Variants in PMS1 observed in about 807,000 individuals in gnomAD.
PMS1 encodes the protein PMS1 homolog 1, mismatch repair system component.
A neutral mutation model predicts 93.1 loss-of-function variants in PMS1; 79 were observed. The ratio of observed to expected loss-of-function variants is 0.85; its 90% CI spans 0.71 to 1.02. The LOEUF (loss-of-function observed/expected upper bound fraction) is 1.02. Ranked by LOEUF, PMS1 falls within the 50% of genes least tolerant of loss-of-function variation. PMS1 has a pLI of 0.00. For missense variants in PMS1, 1,064 were observed against 1,085.3 expected (o/e 0.98, Z 0.28); for synonymous variants, 335 against 363.4 (o/e 0.92, Z 0.89).
chr2:189,787,814 G>A (rs1216467964), intron 1 of PMS1, among the ~76,000 whole-genome samples: 1 of 152,060 alleles, frequency 6.6e-6, no homozygotes, highest in Non-Finnish European at 1.5e-5. Context: ...TCTATAAAAT[G>A]GAGACAATAC....
At chr2:189,833,610 T>C (rs1296084216) in intron 5 of PMS1, among the ~76,000 whole-genome samples, 1 of 152,018 alleles carries the variant, frequency 6.6e-6, no homozygotes, top group East Asian at 1.9e-4. Flanking sequence ...TCATTTTCAT[T>C]TGGGTAATTA....
chr2:189,867,373 G>C (rs1347345457), intron 10 of PMS1, among the ~76,000 whole-genome samples: 1 of 152,174 alleles, frequency 6.6e-6, no homozygotes, highest in Non-Finnish European at 1.5e-5. Flanking sequence ...TAATTTATTA[G>C]TTCCTAGAAG....
In PMS1 at chr2:189,864,176, A is replaced by T; in HGVS notation, c.2290A>T (p.Asn764Tyr). ...EALLFKRLLENHKLPAEPLEK... is the reference protein window; with the variant it reads ...EALLFKRLLEYHKLPAEPLEK... ...CCTGCTATTTAAAAGACTTCTTGAG[A>T]ATCATAAACTTCCTGCAGAGCCACT... The change falls in exon 10 of 13, where the codon AAT becomes TAT. Residue 764 changes from asparagine to tyrosine, a missense_variant. Transcript: ENST00000441310. 6.2e-7 allele frequency: 1 copy of T among 1,610,210 alleles called. No individual in the cohort carries two copies.
rs1575405493 is a variant in PMS1 at position 189,873,614 on chromosome 2, A to G, written c.2592A>G (p.Glu864=). 6.2e-7 allele frequency: 1 copy of G among 1,606,866 alleles called. No individual in the cohort carries two copies. The highest frequency in any genetic ancestry group is 1.3e-5 in the African/African-American group (1 of 74,926). The part of the protein sequence containing the change: ...LNAILNRNAK[E]VYECRPRKVI... The stretch of plus-strand genomic sequence containing the variant: ...CTATATTAAACAGAAATGCAAAGGA[A>G]GTTTATGAATGTAGACCTCGCAAAG... The change falls in exon 12 of 13, where the codon GAA becomes GAG. Residue 864 remains glutamate, a synonymous_variant. Transcript: ENST00000441310.
At chr2:189,798,097 T>G (rs747209181) in intron 3 of PMS1, among the ~76,000 whole-genome samples, 1 of 152,134 alleles carries the variant, frequency 6.6e-6, no homozygotes, top group Non-Finnish European at 1.5e-5. Flanking sequence ...CTGGAGAGGA[T>G]CTGTTGTTTA....
intron 11 of PMS1, among the ~76,000 whole-genome samples, chr2:189,872,345 C>T (rs1383065481): frequency 6.6e-6 from 1 of 152,172 alleles, no homozygotes; most frequent in African/African-American, 2.4e-5. Context: ...ATTGAAGTCT[C>T]AGGATCTGAA....
intron 3 of PMS1, among the ~76,000 whole-genome samples, chr2:189,804,630 G>A (rs2050178046): frequency 6.6e-6 from 1 of 152,118 alleles, no homozygotes; most frequent in South Asian, 2.1e-4. Flanking sequence ...AGAGCTGTAG[G>A]CCCTACAGTA....
At chr2:189,809,877 G>A (rs975077586) in intron 4 of PMS1, among the ~76,000 whole-genome samples, 10 of 152,286 alleles carry the variant, frequency 6.6e-5, no homozygotes, top group African/African-American at 2.4e-4. Flanking sequence ...ATATTTTGAG[G>A]TGCTGAAGCA....
chr2:189,864,672 AAAAAAAAAAAAAAAAATATATATAT>A (rs2056411860), intron 10 of PMS1, among the ~76,000 whole-genome samples: 5 of 41,718 alleles, frequency 1.2e-4, no homozygotes, highest in Non-Finnish European at 2.2e-4. Flanking sequence ...AAAAAAAAAA[AAAAAAAAAAAAAAAAATATATATAT>A]ATATATATAT....
At position 189,844,003 on chromosome 2, in the gene PMS1, A is replaced by G. The variant is rs2054031277; in HGVS notation, c.622A>G (p.Met208Val). Residue 208 changes from methionine (M) to valine (V), a missense_variant, in exon 6 of 13, where the codon ATG becomes GTG. Transcript: ENST00000441310. ...WQKSRVSDHK[M>V]ALMSVLGTAV... is the part of the protein sequence containing the mutation. ...GAAAAGCAGAGTATCAGATCACAAG[A>G]TGGCTCTCATGTCAGTTCTGGGGAC... 6.2e-7 allele frequency: 1 copy of G among 1,613,868 alleles called. No homozygotes were observed. Among genetic ancestry groups the G allele is most frequent in the Admixed American group, 1.7e-5 (1 of 60,000 alleles).
At chr2:189,836,104 C>T (rs2106387586) in intron 5 of PMS1, among the ~76,000 whole-genome samples, 1 of 152,344 alleles carries the variant, frequency 6.6e-6, no homozygotes, top group South Asian at 2.1e-4. Context: ...ATTCACTTAA[C>T]TATGCATCAT....
Position 189,854,550 on chromosome 2 carries a change from T to A in PMS1, c.1278T>A (p.Ser426=). ...FGYGHCSSEI[S]NIDKNTKNAF... is the part of the protein sequence containing the mutation. ...ATGGTCATTGTAGTAGTGAAATTTCTAACATTGATAAAAACACTAAGAATG... is the reference window on the plus strand; with the variant it reads ...ATGGTCATTGTAGTAGTGAAATTTCAAACATTGATAAAAACACTAAGAATG... Residue 426 remains serine, a synonymous_variant, in exon 9 of 13, where the codon TCT becomes TCA. Transcript: ENST00000441310. 6.2e-7 allele frequency: 1 copy of A among 1,612,960 alleles called. No individual in the cohort carries two copies. The highest frequency in any genetic ancestry group is 8.5e-7 in the Non-Finnish European group (1 of 1,179,060).
At position 189,873,660 on chromosome 2, in the gene PMS1, C is replaced by A. The variant is rs374353438; in HGVS notation, c.2634+4C>A. ...CAAAGTGATAAGTTATTTAGAGGTA[C>A]GCATTATTTTATATATATGTTATTG... On this transcript the variant is annotated splice_donor_region_variant and intron_variant, in intron 12 of 12. Coordinates refer to ENST00000441310, the MANE Select transcript of PMS1 (RefSeq NM_000534.5). The A allele has an allele frequency of 3.8e-6, 6 of 1,595,746 alleles. No homozygotes were observed. The highest frequency in any genetic ancestry group is 1.7e-4 in the Middle Eastern group (1 of 5,978).
At chr2:189,787,970 G>C (rs1475569979) in intron 1 of PMS1, among the ~76,000 whole-genome samples, 4 of 152,010 alleles carry the variant, frequency 2.6e-5, no homozygotes, top group Non-Finnish European at 5.9e-5. Flanking sequence ...GGATGGGGTA[G>C]ATAAAGTGTG....
At chr2:189,858,256 C>A (rs377290857) in intron 9 of PMS1, among the ~76,000 whole-genome samples, 11 of 152,070 alleles carry the variant, frequency 7.2e-5, no homozygotes, top group African/African-American at 2.7e-4. Flanking sequence ...ATGTGCCCTA[C>A]CACTGGGGTC....
chr2:189,839,354 A>G (rs1028113895), intron 5 of PMS1, among the ~76,000 whole-genome samples: 2 of 152,224 alleles, frequency 1.3e-5, no homozygotes, highest in Admixed American at 1.3e-4. Flanking sequence ...CATTCTTGCC[A>G]AAGATCTTTT....
intron 1 of PMS1, among the ~76,000 whole-genome samples, chr2:189,786,965 A>C (rs1433187713): frequency 6.6e-6 from 1 of 152,166 alleles, no homozygotes; most frequent in African/African-American, 2.4e-5. Flanking sequence ...AGGCAGGAGA[A>C]TCGCTTGAAC....
At chr2:189,818,828 G>C (rs1032122137) in intron 5 of PMS1, among the ~76,000 whole-genome samples, 1 of 152,176 alleles carries the variant, frequency 6.6e-6, no homozygotes, top group Non-Finnish European at 1.5e-5. Flanking sequence ...ATATGAAAAT[G>C]AGTAAGACTG....
Position 189,854,019 on chromosome 2 carries a change from T to A in PMS1, c.903T>A (p.Val301=). ...CTGTTTTCTTTCTGAAAATCGATGT[T>A]CCTACAGCTGATGTTGATGTAAATT... The part of the protein sequence containing the change: ...LYPVFFLKID[V]PTADVDVNLT... The change falls in exon 8 of 13, where the codon GTT becomes GTA. Residue 301 remains valine (V), a synonymous_variant. Coordinates refer to ENST00000441310, the MANE Select transcript of PMS1 (RefSeq NM_000534.5). The A allele has an allele frequency of 6.2e-7, 1 of 1,607,126 alleles. No individual in the cohort carries two copies. Among genetic ancestry groups the A allele is most frequent in the East Asian group, 2.2e-5 (1 of 44,576 alleles).
Sources: allele counts gnomAD v4.1 joint callset (sites outside exome capture counted in the v4.1 genomes callset), GRCh38; gene constraint gnomAD v4.1.1; transcripts MANE v1.5; gene names NCBI Gene and HGNC (gene_info 2026-07-23, HGNC 2026-07-21).